TPTE2: variants seen among roughly 807,000 people sequenced by gnomAD.
The protein encoded by TPTE2 is transmembrane phosphoinositide 3-phosphatase and tensin homolog 2.
Under a neutral mutation model 78.6 loss-of-function variants are expected in TPTE2, and 53 were observed. That is an observed-to-expected ratio of 0.67 (90% confidence interval 0.54 to 0.85). The LOEUF (loss-of-function observed/expected upper bound fraction) is 0.85, where lower values mean the gene tolerates loss of function less well. Among genes scored for constraint, TPTE2 ranks in the 40% least tolerant of loss-of-function variants. The probability of loss-of-function intolerance (pLI) is 0.00; values close to 1 mark genes in which losing one functional copy is unlikely to be tolerated. For synonymous variants in TPTE2, 175 were observed against 206.2 expected (o/e 0.85, Z 1.30); for missense variants, 461 against 623.0 (o/e 0.74, Z 2.77).
At chr13:19,467,894 CTTT>C (rs1276484444) in intron 6 of TPTE2, among the ~76,000 whole-genome samples, 2 of 111,880 alleles carry the variant, frequency 1.8e-5, no homozygotes. Flanking sequence ...AATTCAATTG[CTTT>C]TTTTTTTTTT....
rs1340952154 is a variant in TPTE2, at chr13:19,472,150, CTTCT to C, written c.392+1760_392+1763del. Among the ~76,000 whole-genome samples the C allele has an allele frequency of 2.0e-5, 3 of 152,016 alleles. No individual in the cohort carries two copies. The South Asian group carries it at 6.2e-4, about 32-fold the overall frequency. On this transcript the variant is annotated intron_variant, in intron 6 of 19. Coordinates refer to ENST00000400230, the Ensembl canonical transcript of TPTE2. Reference sequence around the variant, plus strand: ...TGATTATTAAATTCCTTGAGGTAGTCTTCTTTGAGTTACATCTGCTCGGTGTTTT... The same window carrying C: ...TGATTATTAAATTCCTTGAGGTAGTCTTGAGTTACATCTGCTCGGTGTTTT...
chr13:19,435,028 G>C (rs1330886688), intron 15 of TPTE2, among the ~76,000 whole-genome samples: 1 of 152,178 alleles, frequency 6.6e-6, no homozygotes, highest in East Asian at 1.9e-4. Flanking sequence ...GTTCAGCAAA[G>C]TCTAGAATGT....
At chr13:19,552,497 C>T in the TPTE2 span, 1 of 566,852 alleles carries the variant, frequency 1.8e-6, no homozygotes, top group Non-Finnish European at 3.1e-6. Context: ...TAAGTATCTA[C>T]ACTCTGAAAG....
chr13:19,509,626 C>T (rs546203536), intron 1 of TPTE2, among the ~76,000 whole-genome samples: 2 of 152,214 alleles, frequency 1.3e-5, no homozygotes, highest in South Asian at 4.1e-4. Context: ...TAAAGGCTTT[C>T]CCTCTCCCAA....
At chr13:19,448,877 C>T (rs1008122673) in intron 13 of TPTE2, among the ~76,000 whole-genome samples, 16 of 152,292 alleles carry the variant, frequency 1.1e-4, no homozygotes, top group African/African-American at 3.4e-4. Flanking sequence ...AATACCCAAG[C>T]TATGGAGTCA....
chr13:19,475,724 T>C, intron 4 of TPTE2, 101 bp from the exon 8 acceptor site: 2 of 1,240,936 alleles, frequency 1.6e-6, no homozygotes, highest in Non-Finnish European at 2.2e-6. Flanking sequence ...AAAAGAAAAT[T>C]ATTCAGAAGT....
intron 1 of TPTE2, among the ~76,000 whole-genome samples, chr13:19,509,783 A>T (rs935020449): frequency 2.0e-5 from 3 of 152,194 alleles, no homozygotes; most frequent in Non-Finnish European, 4.4e-5. Context: ...GTATCAATGG[A>T]GCAAAATATT....
At chr13:19,441,634 A>C (rs903948064) in intron 13 of TPTE2, among the ~76,000 whole-genome samples, 4 of 150,840 alleles carry the variant, frequency 2.7e-5, no homozygotes, top group African/African-American at 9.7e-5. Flanking sequence ...TTTAAAAATT[A>C]ACAACAACTA....
intron 14 of TPTE2, among the ~76,000 whole-genome samples, chr13:19,437,803 T>G (rs950641135): frequency 1.3e-5 from 2 of 152,122 alleles, no homozygotes; most frequent in African/African-American, 4.8e-5. Context: ...TATTAAAATA[T>G]TGCATTAAAA....
chr13:19,431,588 T>C (rs1343457824), intron 16 of TPTE2, among the ~76,000 whole-genome samples: 1 of 152,214 alleles, frequency 6.6e-6, no homozygotes, highest in African/African-American at 2.4e-5. Context: ...TTGTTTTCAT[T>C]TAATTTTGTT....
At chr13:19,538,519 CT>C (rs71198913), upstream of TPTE2, among the ~76,000 whole-genome samples, 25 of 149,716 alleles carry the variant, frequency 1.7e-4, no homozygotes, top group East Asian at 4.2e-3. Flanking sequence ...CACGCCCAGC[CT>C]TTTTTTTTCT....
intron 17 of TPTE2, among the ~76,000 whole-genome samples, chr13:19,427,916 A>G (rs1335355400): frequency 6.6e-6 from 1 of 152,244 alleles, no homozygotes; most frequent in African/African-American, 2.4e-5. Context: ...CCCTTCAGGG[A>G]GCTGTACATT....
chr13:19,495,596 T>C (rs923244520), intron 1 of TPTE2, among the ~76,000 whole-genome samples: 6 of 152,232 alleles, frequency 3.9e-5, no homozygotes, highest in South Asian at 2.1e-4. Context: ...CCATGGATGC[T>C]TGTCACACTC....
chr13:19,455,358 A>G (rs891573716), intron 10 of TPTE2, among the ~76,000 whole-genome samples: 6 of 152,196 alleles, frequency 3.9e-5, no homozygotes, highest in African/African-American at 1.4e-4. Flanking sequence ...CCTGAATCCA[A>G]GCCCTCACAT....
chr13:19,430,659 G>T, intron 16 of TPTE2, 112 bp from the exon 20 acceptor site: 1 of 665,336 alleles, frequency 1.5e-6, no homozygotes. Flanking sequence ...AGCTAACAAC[G>T]TATCAATAGT....
At chr13:19,467,313 T>C (rs1262807559) in exon 7 of TPTE2, 1 of 1,567,702 alleles carries the variant, frequency 6.4e-7, no homozygotes, top group African/African-American at 1.4e-5. Flanking sequence ...GTATCTAAAA[T>C]GTTAAATAAG....
In TPTE2 at chr13:19,472,787, G is replaced by A. The variant is rs562606378; in HGVS notation, c.392+1127C>T. 8.5e-5 allele frequency among the ~76,000 whole-genome samples: 13 copies of A among 152,276 alleles called. 1 individual carries two copies. The South Asian group carries it at 2.5e-3, about 29-fold the overall frequency. On this transcript the variant is annotated intron_variant, in intron 6 of 19. Coordinates refer to ENST00000400230, the Ensembl canonical transcript of TPTE2. The stretch of plus-strand genomic sequence containing the variant: ...TATTGTAGTTTTCACTGCATTTATT[G>A]TAGTTTTCACTGTATTTATTGTAGT...
At chr13:19,460,668 G>T (rs1489236322) in intron 10 of TPTE2, among the ~76,000 whole-genome samples, 1 of 152,132 alleles carries the variant, frequency 6.6e-6, no homozygotes, top group Admixed American at 6.5e-5. Context: ...AGCTGAACTT[G>T]CAGGCCTGTC....
chr13:19,444,471 C>T (rs1342089104), intron 13 of TPTE2, among the ~76,000 whole-genome samples: 1 of 149,582 alleles, frequency 6.7e-6, no homozygotes, highest in Non-Finnish European at 1.5e-5. Flanking sequence ...TAAATAGCCA[C>T]AAAAAAAATC....
Sources: gnomAD v4.1 joint callset for allele counts (sites outside exome capture counted in the v4.1 genomes callset) on GRCh38, gnomAD v4.1.1 for gene constraint, MANE v1.5 for transcripts, NCBI Gene and HGNC (gene_info 2026-07-23, HGNC 2026-07-21) for gene names.